Variants in VWA5B1 observed in about 807,000 individuals in gnomAD.
The protein encoded by VWA5B1 is von Willebrand factor A domain containing 5B1, also known as von Willebrand factor A domain-containing protein 5B1.
Under a neutral mutation model 118.2 loss-of-function variants are expected in VWA5B1, and 115 were observed. The observed-to-expected ratio is 0.97, with a 90% CI of 0.84 to 1.14. The LOEUF is 1.14. Ranked by LOEUF, VWA5B1 falls within the 50% of genes most tolerant of loss-of-function variation. VWA5B1 has a pLI of 0.00. For synonymous variants in VWA5B1, 682 were observed against 658.4 expected (o/e 1.04, Z -0.55); for missense variants, 1,596 against 1,603.8 (o/e 1.00, Z 0.08).
At chr1:20,309,909 G>C (rs1290128061) in intron 1 of VWA5B1, among the ~76,000 whole-genome samples, 5 of 53,562 alleles carry the variant, frequency 9.3e-5, no homozygotes, top group African/African-American at 1.4e-4. Flanking sequence ...TGGATTGGCT[G>C]TGTGTGTGTG....
At chr1:20,303,461 G>T (rs2100810834) in intron 1 of VWA5B1, 1 of 152,486 alleles carries the variant, frequency 6.6e-6, no homozygotes, top group Middle Eastern at 3.4e-3. Context: ...CAGAGTCAGG[G>T]TCAGGGGTTA....
Position 20,353,781 on chromosome 1 carries a change from G to A in VWA5B1, c.3166G>A (p.Ala1056Thr). The A allele has an allele frequency of 6.8e-7, 1 of 1,464,940 alleles. No homozygotes were observed. Among genetic ancestry groups the A allele is most frequent in the East Asian group, 2.5e-5 (1 of 40,218 alleles). The allele number at this position is 1,464,940 out of a possible 1,614,324, so 90.7% of individuals were successfully genotyped here. A position where few individuals can be genotyped will look rare whatever the true frequency, so the allele number is the denominator to read the frequency against. ...GGTGTCTCTGCAGCTGGCCTCCGGA[G>A]CCTTCCTGCTCAACGAAGCCTTCTG... ...PLVSLQLASG[A>T]FLLNEAFCEA... The change falls in exon 22 of 22, where the codon GCC (alanine) becomes ACC (threonine). Residue 1056 changes from alanine (A) to threonine (T), a missense_variant. Transcript: ENST00000289815.
rs914469071 is a variant in VWA5B1 at position 20,318,589 on chromosome 1, G to C, written c.710-1G>C. ...CCCCCTTGCCTTTCTATGCCACTCA[G>C]GGGTGGAGAGTCCCACTCATGAGAT... On this transcript the variant is annotated splice_acceptor_variant, in intron 5 of 21. Transcript: ENST00000289815. LOFTEE classifies it high-confidence loss of function. The C allele has an allele frequency of 5.2e-6, 8 of 1,551,280 alleles. No homozygotes were observed. The Admixed American group carries it at 9.8e-5, about 19-fold the overall frequency.
In VWA5B1 at chr1:20,330,307, T is replaced by A; in HGVS notation, c.1382T>A (p.Phe461Tyr). The change falls in exon 10 of 22, where the codon TTC becomes TAC. Residue 461 changes from phenylalanine to tyrosine, a missense_variant. Phe to Tyr is a conservative substitution (Grantham distance 22). Transcript: ENST00000289815. ...CACCGAGGCCACCCGCGGCTCCTCT[T>A]CGTGATCACAGATGGCGCTGTCAAC... ...PVHRGHPRLLFVITDGAVNNT... is the reference protein window; with the variant it reads ...PVHRGHPRLLYVITDGAVNNT... 6.4e-7 allele frequency: 1 copy of A among 1,551,782 alleles called. No individual in the cohort carries two copies. The highest frequency in any genetic ancestry group is 8.7e-7 in the Non-Finnish European group (1 of 1,147,022).
intron 7 of VWA5B1, among the ~76,000 whole-genome samples, chr1:20,320,531 C>T (rs903965520): frequency 6.6e-6 from 1 of 152,226 alleles, no homozygotes; most frequent in Non-Finnish European, 1.5e-5. Flanking sequence ...GAACTGCTGC[C>T]TATGGGCCAG....
At chr1:20,316,520 C>G (rs12123577) in intron 4 of VWA5B1, among the ~76,000 whole-genome samples, 45,412 of 152,032 alleles carry the variant, frequency 0.3, 7,122 homozygotes, top group East Asian at 0.39. Context: ...CAATCACACC[C>G]AAATGCTGCC....
chr1:20,358,134 G>A lies in VWA5B1; in HGVS notation c.*3871G>A, dbSNP rs1048457531. On this transcript the variant is annotated 3_prime_UTR_variant, in exon 22 of 22. Transcript: ENST00000289815. ...TGTTTCCCCAGCCAGTCCCTTCTCTGCGGGCAAAATGAATGGCATCCCCTA... is the reference window on the plus strand; with the variant it reads ...TGTTTCCCCAGCCAGTCCCTTCTCTACGGGCAAAATGAATGGCATCCCCTA... Among the ~76,000 whole-genome samples the A allele has an allele frequency of 3.3e-5, 5 of 152,158 alleles. No individual in the cohort carries two copies. Among genetic ancestry groups the A allele is most frequent in the Middle Eastern group, 3.2e-3 (1 of 316 alleles).
In VWA5B1 at chr1:20,332,757, G is replaced by A. The variant is rs1032391724; in HGVS notation, c.1573-9G>A. 1.3e-6 allele frequency: 2 copies of A among 1,551,252 alleles called. No homozygotes were observed. Among genetic ancestry groups the A allele is most frequent in the Middle Eastern group, 1.7e-4 (1 of 5,990 alleles). ...CATCCCCCAACTGCATTCTGACCCT[G>A]CCCTACAGATGGTCAAATCCTTGAA... On this transcript the variant is annotated splice_polypyrimidine_tract_variant and intron_variant, in intron 11 of 21. Transcript: ENST00000289815.
intron 14 of VWA5B1, among the ~76,000 whole-genome samples, chr1:20,339,518 G>A (rs542826354): frequency 3.9e-5 from 6 of 152,234 alleles, no homozygotes; most frequent in Non-Finnish European, 5.9e-5. Context: ...CTCCAGCCTG[G>A]GAGACAGAGA....
chr1:20,294,941 G>A (rs2088377047), intron 1 of VWA5B1, among the ~76,000 whole-genome samples: 1 of 152,218 alleles, frequency 6.6e-6, no homozygotes, highest in Admixed American at 6.5e-5. Flanking sequence ...CTGAGCCTTG[G>A]AGAGCTCAAA....
intron 1 of VWA5B1, among the ~76,000 whole-genome samples, chr1:20,293,983 A>G (rs1251158312): frequency 2.0e-5 from 3 of 152,188 alleles, no homozygotes; most frequent in Admixed American, 6.5e-5. Flanking sequence ...TCGTCGATCA[A>G]TGTCAGTTTG....
At chr1:20,302,164 A>C (rs2088520293) in intron 1 of VWA5B1, among the ~76,000 whole-genome samples, 3 of 151,794 alleles carry the variant, frequency 2.0e-5, no homozygotes, top group African/African-American at 7.3e-5. Context: ...AACTGGCTGG[A>C]CTCCAGGTCT....
chr1:20,356,428 G>C lies in VWA5B1; in HGVS notation c.*2165G>C, dbSNP rs747536368. Among the ~76,000 whole-genome samples the C allele has an allele frequency of 5.3e-5, 8 of 152,136 alleles. No individual in the cohort carries two copies. Among genetic ancestry groups the C allele is most frequent in the Non-Finnish European group, 7.3e-5 (5 of 68,038 alleles). ...TGAACAAGTGGCGTGTGTGTTCTGG[G>C]CCTCTTTCTTCCTCTACATAACCAG... On this transcript the variant is annotated 3_prime_UTR_variant, in exon 22 of 22. Transcript: ENST00000289815.
chr1:20,307,852 C>A (rs146785810), intron 1 of VWA5B1, among the ~76,000 whole-genome samples: 13 of 146,998 alleles, frequency 8.8e-5, no homozygotes, highest in African/African-American at 3.4e-4. Context: ...TTTTTATTTG[C>A]GTGCATGTGT....
chr1:20,352,016 G>T (rs2090139786), intron 20 of VWA5B1, 39 bp from the exon 21 acceptor site: 1 of 1,514,896 alleles, frequency 6.6e-7, no homozygotes, highest in South Asian at 1.2e-5. Flanking sequence ...GGGCACTGGA[G>T]GTTGGGATGC....
intron 1 of VWA5B1, among the ~76,000 whole-genome samples, chr1:20,305,770 G>A (rs1262465755): frequency 6.6e-6 from 1 of 151,880 alleles, no homozygotes; most frequent in Non-Finnish European, 1.5e-5. Context: ...GGTAGGCAGG[G>A]AGGGTGGGTT....
chr1:20,347,727 T>C (rs1309181016), intron 17 of VWA5B1, among the ~76,000 whole-genome samples: 3 of 152,056 alleles, frequency 2.0e-5, no homozygotes, highest in African/African-American at 7.3e-5. Flanking sequence ...CCTCCTGAAG[T>C]GCTAACATTA....
At chr1:20,309,746 G>A (rs2088786517) in intron 1 of VWA5B1, among the ~76,000 whole-genome samples, 1 of 152,156 alleles carries the variant, frequency 6.6e-6, no homozygotes, top group African/African-American at 2.4e-5. Context: ...GGTGGAAGAT[G>A]GATTCTTGGG....
Position 20,357,392 on chromosome 1 carries a change from GC to G in VWA5B1, c.*3130del, listed in dbSNP as rs2090248517. On this transcript the variant is annotated 3_prime_UTR_variant, in exon 22 of 22. Transcript: ENST00000289815. ...TGCTATGGGCAAAGATGTTGAGGAA[GC>G]AGTAGAAAGACAAACTTCTTTAGAT... Among the ~76,000 whole-genome samples, 1 of 152,216 alleles carries G rather than the reference GC, an allele frequency of 6.6e-6. No individual in the cohort carries two copies. Among genetic ancestry groups the G allele is most frequent in the Non-Finnish European group, 1.5e-5 (1 of 68,042 alleles).
Sources: allele counts gnomAD v4.1 joint callset (sites outside exome capture counted in the v4.1 genomes callset), GRCh38; gene constraint gnomAD v4.1.1; transcripts MANE v1.5; gene names NCBI Gene and HGNC (gene_info 2026-07-23, HGNC 2026-07-21).